DDX10: variants seen among roughly 807,000 people sequenced by gnomAD.
The protein encoded by DDX10 is DEAD-box helicase 10, also known as probable ATP-dependent RNA helicase DDX10.
Under a neutral mutation model 104.3 loss-of-function variants are expected in DDX10, and 74 were observed. That is an observed-to-expected ratio of 0.71 (90% CI 0.59 to 0.86). The LOEUF (loss-of-function observed/expected upper bound fraction) is 0.86. Ranked by LOEUF, DDX10 falls within the 40% of genes least tolerant of loss-of-function variation. The probability of loss-of-function intolerance (pLI) is 0.00; values close to 1 mark genes in which losing one functional copy is unlikely to be tolerated. For missense variants in DDX10, 952 were observed against 1,040.0 expected (o/e 0.92, Z 1.16); for synonymous variants, 351 against 353.4 (o/e 0.99, Z 0.08).
intron 13 of DDX10, among the ~76,000 whole-genome samples, chr11:108,771,095 A>C (rs2094362575): frequency 6.6e-6 from 1 of 152,128 alleles, no homozygotes; most frequent in African/African-American, 2.4e-5. Context: ...TATTTCTCTG[A>C]TGATTAGTGA....
At chr11:108,862,268 C>T (rs534705358) in intron 16 of DDX10, among the ~76,000 whole-genome samples, 1 of 152,168 alleles carries the variant, frequency 6.6e-6, no homozygotes, top group Non-Finnish European at 1.5e-5. Context: ...AAGTGATCCT[C>T]CCGCCTCAGC....
chr11:108,910,667 T>C (rs1863657178), intron 16 of DDX10, among the ~76,000 whole-genome samples: 1 of 152,074 alleles, frequency 6.6e-6, no homozygotes, highest in Non-Finnish European at 1.5e-5. Context: ...GACACTGATC[T>C]CTTCATGTGG....
At chr11:108,747,239 ATAATT>A (rs1206101091) in intron 13 of DDX10, among the ~76,000 whole-genome samples, 1 of 152,168 alleles carries the variant, frequency 6.6e-6, no homozygotes, top group Non-Finnish European at 1.5e-5. Flanking sequence ...TATATATACA[ATAATT>A]TAAGGTAGAC....
At chr11:108,773,241 T>C (rs2726885) in intron 13 of DDX10, among the ~76,000 whole-genome samples, 108,926 of 152,070 alleles carry the variant, frequency 0.72, 39,507 homozygotes, top group Admixed American at 0.79. Flanking sequence ...TCTCATCATT[T>C]GAGTGAAATC....
At chr11:108,756,002 T>C (rs959438673) in intron 13 of DDX10, among the ~76,000 whole-genome samples, 6 of 151,902 alleles carry the variant, frequency 3.9e-5, no homozygotes, top group Non-Finnish European at 8.8e-5. Flanking sequence ...TCCCTCTTTT[T>C]CTCTTTTTGT....
intron 13 of DDX10, among the ~76,000 whole-genome samples, chr11:108,833,505 A>C (rs1467660111): frequency 6.6e-6 from 1 of 152,176 alleles, no homozygotes; most frequent in Non-Finnish European, 1.5e-5. Context: ...CCTAACAGGA[A>C]AATATGATAA....
At position 108,766,781 on chromosome 11, in the gene DDX10, A is replaced by G. The variant is rs556783797; in HGVS notation, c.1965+43319A>G. On this transcript the variant is annotated intron_variant, in intron 13 of 17. Transcript: ENST00000322536. ...CACCAGTGCCTGGTACATAGTTAAC[A>G]CGCCTTGAGTATTTGAAGGACTGAC... Among the ~76,000 whole-genome samples, 185 of 152,254 alleles carry G rather than the reference A, an allele frequency of 1.2e-3. 1 individual carries two copies. The highest frequency in any genetic ancestry group is 4.4e-3 in the African/African-American group (183 of 41,548).
intron 13 of DDX10, among the ~76,000 whole-genome samples, chr11:108,778,455 A>T (rs1457005374): frequency 2.6e-5 from 4 of 152,204 alleles, no homozygotes; most frequent in Non-Finnish European, 5.9e-5. Flanking sequence ...AGGATTCTCT[A>T]TTTAATAAAT....
At chr11:108,692,767 A>G (rs1257612746) in intron 8 of DDX10, among the ~76,000 whole-genome samples, 1 of 152,166 alleles carries the variant, frequency 6.6e-6, no homozygotes, top group Non-Finnish European at 1.5e-5. Flanking sequence ...TTATTAGTAT[A>G]GGCTGGAGTA....
chr11:108,867,591 A>G (rs1384618472), intron 16 of DDX10, among the ~76,000 whole-genome samples: 3 of 152,226 alleles, frequency 2.0e-5, no homozygotes, highest in Non-Finnish European at 2.9e-5. Flanking sequence ...GAGTACATTC[A>G]TTCTGCCTCT....
In DDX10 at chr11:108,827,739, T is replaced by A. The variant is rs558383500; in HGVS notation, c.1966-10707T>A. Among the ~76,000 whole-genome samples, 12 of 152,292 alleles carry A rather than the reference T, an allele frequency of 7.9e-5. No individual in the cohort carries two copies. In the South Asian group the frequency reaches 2.3e-3, roughly 29 times the overall value. On this transcript the variant is annotated intron_variant, in intron 13 of 17. Transcript: ENST00000322536. ...TGCTCCCCATCCTCCAGCCGAAACT[T>A]CTTCTCCTTTAGTCTTGTGTAATTT...
chr11:108,744,039 A>G (rs1344506640), intron 13 of DDX10, among the ~76,000 whole-genome samples: 6 of 152,194 alleles, frequency 3.9e-5, no homozygotes, highest in Non-Finnish European at 8.8e-5. Flanking sequence ...TGCTGGGTTT[A>G]TATGTTCTTG....
intron 13 of DDX10, among the ~76,000 whole-genome samples, chr11:108,737,740 C>G (rs539758085): frequency 2.6e-5 from 4 of 152,288 alleles, no homozygotes; most frequent in African/African-American, 9.6e-5. Flanking sequence ...TCTATTCTCT[C>G]TCCACCTCTT....
chr11:108,808,499 C>T (rs975306804), intron 13 of DDX10, among the ~76,000 whole-genome samples: 2 of 152,064 alleles, frequency 1.3e-5, no homozygotes, highest in Non-Finnish European at 2.9e-5. Flanking sequence ...AGATGTTGGC[C>T]TTTGAGATCC....
intron 13 of DDX10, among the ~76,000 whole-genome samples, chr11:108,824,839 G>A (rs567553805): frequency 6.6e-6 from 1 of 152,072 alleles, no homozygotes; most frequent in African/African-American, 2.4e-5. Context: ...TCCCAGCCAG[G>A]CGAACAGAAC....
chr11:108,934,661 A>C (rs997356285), intron 17 of DDX10, among the ~76,000 whole-genome samples: 12 of 152,250 alleles, frequency 7.9e-5, no homozygotes, highest in African/African-American at 2.9e-4. Context: ...TGCTGATTAC[A>C]TCTCACATGG....
rs1248846872 is a variant in DDX10 at position 108,807,514 on chromosome 11, G to A, written c.1966-30932G>A. Among the ~76,000 whole-genome samples, 4 of 152,092 alleles carry A rather than the reference G, an allele frequency of 2.6e-5. No individual in the cohort carries two copies. The East Asian group carries it at 7.7e-4, about 29-fold the overall frequency. ...TGTGAGGGGAAGTTTTGAGAGATAA[G>A]AAAATGAATTGACTAGATGTGGTGA... On this transcript the variant is annotated intron_variant, in intron 13 of 17. Coordinates refer to ENST00000322536, the MANE Select transcript of DDX10 (RefSeq NM_004398.4).
intron 4 of DDX10, among the ~76,000 whole-genome samples, chr11:108,677,637 A>G (rs891350970): frequency 1.3e-5 from 2 of 150,742 alleles, no homozygotes; most frequent in African/African-American, 4.9e-5. Context: ...TAGACTCTTT[A>G]GAGGAATGTT....
intron 15 of DDX10, among the ~76,000 whole-genome samples, chr11:108,848,760 T>C (rs1234987906): frequency 3.3e-5 from 5 of 152,042 alleles, no homozygotes; most frequent in Non-Finnish European, 5.9e-5. Flanking sequence ...CATATGGTGT[T>C]GGAGAGGTGG....
Sources: allele counts gnomAD v4.1 joint callset (sites outside exome capture counted in the v4.1 genomes callset), GRCh38; gene constraint gnomAD v4.1.1; transcripts MANE v1.5; gene names NCBI Gene and HGNC (gene_info 2026-07-23, HGNC 2026-07-21).